The following GABRA2 variants were observed in gnomAD, a reference collection of about 807,000 sequenced individuals.
The protein encoded by GABRA2 is gamma-aminobutyric acid receptor subunit alpha-2.
In GABRA2, 16 loss-of-function variants were observed where a neutral mutation model predicts 48.7. The observed-to-expected ratio is 0.33, with a 90% CI of 0.22 to 0.50. The LOEUF (loss-of-function observed/expected upper bound fraction) is 0.50. GABRA2 is among the 20% of genes least tolerant of loss of function. The probability of loss-of-function intolerance (pLI) is 0.98; values close to 1 mark genes in which losing one functional copy is unlikely to be tolerated. For missense variants in GABRA2, 275 were observed against 535.6 expected (o/e 0.51, Z 4.80); for synonymous variants, 185 against 184.5 (o/e 1.00, Z -0.02).
chr4:46,267,844 A>G (rs1036714360), intron 8 of GABRA2, among the ~76,000 whole-genome samples: 1 of 151,978 alleles, frequency 6.6e-6, no homozygotes, highest in African/African-American at 2.4e-5. Flanking sequence ...TATTCTCCAA[A>G]ATCTGAAATG....
At chr4:46,279,346 T>C (rs1192349141) in intron 8 of GABRA2, among the ~76,000 whole-genome samples, 1 of 152,144 alleles carries the variant, frequency 6.6e-6, no homozygotes, top group Non-Finnish European at 1.5e-5. Context: ...TATATTTATT[T>C]ATCTATATAT....
rs376950806 is a variant in GABRA2, at chr4:46,256,077, AC to A, written c.1060-5474del. On this transcript the variant is annotated intron_variant, in intron 9 of 9. Coordinates refer to ENST00000381620, the MANE Select transcript of GABRA2 (RefSeq NM_000807.4). Reference sequence around the variant, plus strand: ...TTCTACCATACCATGTTGCCTTTTTACAGTTATTGTGGCTACTAGAAAGCTC... The same window carrying A: ...TTCTACCATACCATGTTGCCTTTTTAAGTTATTGTGGCTACTAGAAAGCTC... 1.2e-3 allele frequency: 518 copies of A among 432,276 alleles called. 3 individuals are homozygous for A. The highest frequency in any genetic ancestry group is 9.5e-3 in the African/African-American group (470 of 49,260). The allele number at this position is 432,276 out of a possible 1,614,324, so 26.8% of individuals were successfully genotyped here.
At chr4:46,352,136 G>A (rs17537380) in intron 3 of GABRA2, among the ~76,000 whole-genome samples, 1,554 of 152,078 alleles carry the variant, frequency 0.01, 11 homozygotes, top group Non-Finnish European at 0.017. Flanking sequence ...AACTCAGAAC[G>A]TGGGACGGTT....
chr4:46,310,425 C>T (rs1290349958), intron 5 of GABRA2, among the ~76,000 whole-genome samples, 170 bp from the exon 6 acceptor site: 2 of 152,148 alleles, frequency 1.3e-5, no homozygotes, highest in African/African-American at 4.8e-5. Context: ...CCTCGGAAGA[C>T]ATTGGCGTAT....
chr4:46,275,310 A>G (rs1367860131), intron 8 of GABRA2, among the ~76,000 whole-genome samples: 1 of 152,156 alleles, frequency 6.6e-6, no homozygotes, highest in African/African-American at 2.4e-5. Context: ...CTTAATCTTA[A>G]CCAATCTCTT....
chr4:46,348,227 A>G (rs1319452353), intron 3 of GABRA2, among the ~76,000 whole-genome samples: 1 of 152,086 alleles, frequency 6.6e-6, no homozygotes, highest in Non-Finnish European at 1.5e-5. Flanking sequence ...ACAATGAGAT[A>G]CCATCTCACA....
chr4:46,387,292 A>G (rs1365327558), intron 2 of GABRA2, among the ~76,000 whole-genome samples: 1 of 152,200 alleles, frequency 6.6e-6, no homozygotes, highest in East Asian at 1.9e-4. Flanking sequence ...ACTCTTTTAA[A>G]ATAAAAGACA....
Position 46,368,917 on chromosome 4 carries a change from G to A in GABRA2, c.187+17157C>T, listed in dbSNP as rs1402017498. The stretch of plus-strand genomic sequence containing the variant: ...TTATGCTCCACTCATTCCTTTATTT[G>A]TTCTGCCCATGGAGAGCATTTGAGT... On this transcript the variant is annotated intron_variant, in intron 3 of 9. Transcript: ENST00000381620. The A allele has an allele frequency of 3.1e-5, 21 of 669,728 alleles. No homozygotes were observed. The Admixed American group carries it at 4.5e-4, about 14-fold the overall frequency. 41.5% of individuals were successfully genotyped at this position (669,728 alleles called of 1,614,324 possible).
At chr4:46,294,764 G>T (rs1724327691) in intron 8 of GABRA2, among the ~76,000 whole-genome samples, 3 of 152,110 alleles carry the variant, frequency 2.0e-5, no homozygotes, top group Admixed American at 1.3e-4. Flanking sequence ...TTGAGAGACA[G>T]CTCTTGGCCC....
At chr4:46,371,319 C>T (rs553781369) in intron 3 of GABRA2, among the ~76,000 whole-genome samples, 3 of 152,176 alleles carry the variant, frequency 2.0e-5, no homozygotes, top group East Asian at 3.9e-4. Flanking sequence ...TTAAATAGAA[C>T]ATAAAATAAT....
At chr4:46,270,550 A>G (rs1719126277) in intron 8 of GABRA2, among the ~76,000 whole-genome samples, 1 of 151,882 alleles carries the variant, frequency 6.6e-6, no homozygotes, top group South Asian at 2.1e-4. Flanking sequence ...TGAGATCTCT[A>G]CAATTCACTT....
intron 3 of GABRA2, 93 bp from the exon 4 acceptor site, chr4:46,332,775 T>C (rs1226688451): frequency 2.7e-6 from 2 of 733,278 alleles, no homozygotes; most frequent in Non-Finnish European, 4.5e-6. Flanking sequence ...TTGAAAGCTG[T>C]GTCACAAATT....
At chr4:46,314,926 G>A (rs1012733492) in intron 4 of GABRA2, among the ~76,000 whole-genome samples, 4 of 152,102 alleles carry the variant, frequency 2.6e-5, no homozygotes, top group East Asian at 1.9e-4. Context: ...CTTTGCTATC[G>A]TGAATAGTGC....
intron 4 of GABRA2, among the ~76,000 whole-genome samples, chr4:46,317,515 C>G (rs1343843904): frequency 6.6e-6 from 1 of 151,714 alleles, no homozygotes; most frequent in African/African-American, 2.4e-5. Flanking sequence ...GAAGGCACAA[C>G]AGCAGGAAAT....
intron 3 of GABRA2, among the ~76,000 whole-genome samples, chr4:46,369,221 A>T (rs1714510001): frequency 6.6e-6 from 1 of 152,078 alleles, no homozygotes; most frequent in Admixed American, 6.6e-5. Context: ...TAGAGGGCAC[A>T]CCCCTGTAAT....
chr4:46,278,227 A>G (rs987763096), intron 8 of GABRA2, among the ~76,000 whole-genome samples: 3 of 152,282 alleles, frequency 2.0e-5, no homozygotes, highest in South Asian at 2.1e-4. Flanking sequence ...GAAAATATCC[A>G]AACTTTCTGT....
rs761884407 is a variant in GABRA2 at position 46,250,229 on chromosome 4, G to T, written c.*79C>A. 73 of 1,182,994 alleles carry T rather than the reference G, an allele frequency of 6.2e-5. No individual in the cohort carries two copies. Among genetic ancestry groups the T allele is most frequent in the Non-Finnish European group, 8.1e-5 (67 of 824,390 alleles). 73.3% of individuals were successfully genotyped at this position (1,182,994 alleles called of 1,614,324 possible). A position where few individuals can be genotyped will look rare whatever the true frequency, so the allele number is the denominator to read the frequency against. On this transcript the variant is annotated 3_prime_UTR_variant, in exon 10 of 10. Coordinates refer to ENST00000381620, the MANE Select transcript of GABRA2 (RefSeq NM_000807.4). ...GTACATGTTGGATCACAAATTAGCA[G>T]TTATTAGTCAGACTGTACATAGCAA... is the stretch of plus-strand genomic sequence containing the variant.
Position 46,250,778 on chromosome 4 carries a change from G to T in GABRA2, c.1060-174C>A, listed in dbSNP as rs369626513. 4.7e-4 allele frequency among the ~76,000 whole-genome samples: 71 copies of T among 151,526 alleles called. 1 individual carries two copies. The South Asian group carries it at 0.014, about 30-fold the overall frequency. On this transcript the variant is annotated intron_variant, in intron 9 of 9. Transcript: ENST00000381620. ...GTTTATTAAATTCCAAATCCATTAC[G>T]GTGAGAAAACCCCCAGTAAAATTAG...
intron 8 of GABRA2, among the ~76,000 whole-genome samples, chr4:46,277,325 G>A (rs768736801): frequency 4.6e-5 from 7 of 152,162 alleles, no homozygotes; most frequent in Non-Finnish European, 1.0e-4. Flanking sequence ...CTGGCAGCTT[G>A]CATCTGATTA....
Sources: gnomAD v4.1 joint callset for allele counts (sites outside exome capture counted in the v4.1 genomes callset) on GRCh38, gnomAD v4.1.1 for gene constraint, MANE v1.5 for transcripts, NCBI Gene and HGNC (gene_info 2026-07-23, HGNC 2026-07-21) for gene names.